HECW2: variants seen among roughly 807,000 people sequenced by gnomAD.
HECW2 encodes the protein E3 ubiquitin-protein ligase HECW2.
In HECW2, 61 loss-of-function variants were observed where a neutral mutation model predicts 175.2. The observed-to-expected ratio is 0.35, with a 90% CI of 0.28 to 0.43. The LOEUF is 0.43. Ranked by LOEUF, HECW2 falls within the 20% of genes least tolerant of loss-of-function variation. HECW2 has a pLI of 1.00. For synonymous variants in HECW2, 671 were observed against 731.0 expected, an observed-to-expected ratio of 0.92 and a Z score of 1.32; for missense variants, 1,524 against 2,000.5, an observed-to-expected ratio of 0.76 and a Z score of 4.54.
At chr2:196,392,859 C>T (rs550991791) in intron 2 of HECW2, among the ~76,000 whole-genome samples, 25 of 152,196 alleles carry the variant, frequency 1.6e-4, no homozygotes, top group Middle Eastern at 6.8e-3. Flanking sequence ...CAATCCTAAG[C>T]CAAAAGAACA....
At chr2:196,283,532 C>T (rs1408950651) in intron 14 of HECW2, among the ~76,000 whole-genome samples, 3 of 151,778 alleles carry the variant, frequency 2.0e-5, no homozygotes, top group African/African-American at 7.3e-5. Context: ...CGCACCACCA[C>T]GCTACCACAC....
intron 1 of HECW2, among the ~76,000 whole-genome samples, chr2:196,491,966 AC>A (rs1373519877): frequency 2.1e-4 from 32 of 152,344 alleles, no homozygotes; most frequent in Admixed American, 1.7e-3. Flanking sequence ...TAGTGACAGA[AC>A]AAAAAGAGAA....
In HECW2 at chr2:196,307,181, T is replaced by G. The variant is rs1478969932; in HGVS notation, c.2638A>C (p.Asn880His). 1 of 1,614,082 alleles carries G rather than the reference T, an allele frequency of 6.2e-7. No homozygotes were observed. ...TCCTCCCCTGCCCCATCAATAGCAT[T>G]GGTATTTTCCTCAGGCCTCTCATTG... is the stretch of plus-strand genomic sequence containing the variant. ...MTNERPEENT[N>H]AIDGAGEEAD... Residue 880 changes from asparagine to histidine, a missense_variant, in exon 12 of 29, where the codon AAT becomes CAT. By Grantham distance (68) the Asn-to-His change is moderately conservative. Transcript: ENST00000644978.
At chr2:196,579,576 T>C (rs1690693823) in intron 1 of HECW2, among the ~76,000 whole-genome samples, 2 of 152,154 alleles carry the variant, frequency 1.3e-5, no homozygotes, top group South Asian at 2.1e-4. Flanking sequence ...GAAAAATATA[T>C]ATACCATGTG....
At chr2:196,568,406 T>C (rs908575257) in intron 1 of HECW2, among the ~76,000 whole-genome samples, 10 of 151,948 alleles carry the variant, frequency 6.6e-5, no homozygotes, top group African/African-American at 2.2e-4. Flanking sequence ...TGGGGGAAAA[T>C]AAAAAGCCTA....
At chr2:196,399,686 C>G (rs1694765542) in intron 2 of HECW2, among the ~76,000 whole-genome samples, 1 of 152,200 alleles carries the variant, frequency 6.6e-6, no homozygotes, top group African/African-American at 2.4e-5. Flanking sequence ...AAAACACAGG[C>G]CTATTTGAAC....
chr2:196,552,529 C>T (rs755255017), intron 1 of HECW2, among the ~76,000 whole-genome samples: 152 of 152,342 alleles, frequency 1.0e-3, no homozygotes, highest in Non-Finnish European at 2.0e-3. Context: ...AGAAGCCTTA[C>T]TATTAAAAGA....
chr2:196,346,847 A>C (rs73051633), intron 2 of HECW2, among the ~76,000 whole-genome samples: 39,677 of 150,976 alleles, frequency 0.26, 6,801 homozygotes, highest in African/African-American at 0.49. Context: ...GAAAATACAG[A>C]AAACAAAAAA....
chr2:196,385,836 T>A (rs1057014682), intron 2 of HECW2, among the ~76,000 whole-genome samples: 1 of 152,208 alleles, frequency 6.6e-6, no homozygotes, highest in African/African-American at 2.4e-5. Context: ...AGGAATTTGG[T>A]CCAAATGAAA....
At chr2:196,452,794 T>TAAAA (rs201131840) in intron 1 of HECW2, among the ~76,000 whole-genome samples, 1 of 105,690 alleles carries the variant, frequency 9.5e-6, no homozygotes. Context: ...CCCAAAGCAC[T>TAAAA]AAAAAAAAAA....
intron 2 of HECW2, among the ~76,000 whole-genome samples, chr2:196,399,352 C>T (rs1412078663): frequency 6.6e-6 from 1 of 152,220 alleles, no homozygotes; most frequent in East Asian, 1.9e-4. Context: ...AACAAGACTT[C>T]AAGTCATTTC....
intron 21 of HECW2, 23 bp downstream of exon 21, chr2:196,240,426 G>C: frequency 6.5e-7 from 1 of 1,534,374 alleles, no homozygotes; most frequent in Non-Finnish European, 8.9e-7. Context: ...ATGTTCCACA[G>C]GCCACTTCTC....
chr2:196,208,210 C>G (rs2105778559), intron 28 of HECW2, among the ~76,000 whole-genome samples: 1 of 152,292 alleles, frequency 6.6e-6, no homozygotes, highest in Non-Finnish European at 1.5e-5. Context: ...TTATTCTAAG[C>G]ACTTTGCATG....
intron 2 of HECW2, among the ~76,000 whole-genome samples, chr2:196,372,464 T>C (rs780149191): frequency 6.6e-6 from 1 of 152,214 alleles, no homozygotes; most frequent in African/African-American, 2.4e-5. Context: ...GGTATATAAG[T>C]GTTGCCAAGA....
rs1258328056 is a variant in HECW2, at chr2:196,195,770, T to A, written c.*5507A>T. On this transcript the variant is annotated 3_prime_UTR_variant, in exon 29 of 29. Coordinates refer to ENST00000644978, the MANE Select transcript of HECW2 (RefSeq NM_001348768.2). Reference sequence around the variant, plus strand: ...TGTTCAATAATAGTAACAATAATTCTTAAATAAAAAAATCCACAACATAAT... The same window carrying A: ...TGTTCAATAATAGTAACAATAATTCATAAATAAAAAAATCCACAACATAAT... 6.6e-6 allele frequency: 1 copy of A among 152,234 alleles called. No homozygotes were observed. Among genetic ancestry groups the A allele is most frequent in the Non-Finnish European group, 1.5e-5 (1 of 68,048 alleles). The allele number at this position is 152,234 out of a possible 1,614,324, so 9.4% of individuals were successfully genotyped here.
chr2:196,565,607 C>G (rs1175128589), intron 1 of HECW2, among the ~76,000 whole-genome samples: 1 of 152,148 alleles, frequency 6.6e-6, no homozygotes, highest in African/African-American at 2.4e-5. Flanking sequence ...TGAATAACTT[C>G]CTAGTCACTT....
chr2:196,242,341 G>C, intron 19 of HECW2, 137 bp from the exon 20 acceptor site: 2 of 1,124,042 alleles, frequency 1.8e-6, no homozygotes, highest in South Asian at 3.1e-5. Context: ...TTTGATTTCT[G>C]CAAGTTGAAG....
chr2:196,337,637 T>C (rs1211584861), intron 3 of HECW2, among the ~76,000 whole-genome samples: 3 of 151,658 alleles, frequency 2.0e-5, no homozygotes, highest in African/African-American at 7.3e-5. Flanking sequence ...TACTTATATG[T>C]ATCCAAATAT....
intron 1 of HECW2, among the ~76,000 whole-genome samples, chr2:196,440,576 G>C (rs1274606427): frequency 1.3e-5 from 2 of 152,116 alleles, no homozygotes; most frequent in Admixed American, 1.3e-4. Flanking sequence ...GGGAAAACCA[G>C]TGTTACTCAA....
Sources: allele counts gnomAD v4.1 joint callset (sites outside exome capture counted in the v4.1 genomes callset), GRCh38; gene constraint gnomAD v4.1.1; transcripts MANE v1.5; gene names NCBI Gene and HGNC (gene_info 2026-07-23, HGNC 2026-07-21).